The following LSR variants were observed in gnomAD, a reference collection of about 807,000 sequenced individuals.
LSR encodes lipolysis stimulated lipoprotein receptor, also known as lipolysis-stimulated lipoprotein receptor.
A neutral mutation model predicts 61.8 loss-of-function variants in LSR; 44 were observed. The observed-to-expected ratio is 0.71, with a 90% CI of 0.56 to 0.91. The LOEUF is 0.91. LSR is among the 40% of genes least tolerant of loss of function. The pLI is 0.00. For synonymous variants in LSR, 397 were observed against 350.6 expected, an observed-to-expected ratio of 1.13 and a Z score of -1.48; for missense variants, 911 against 830.5, an observed-to-expected ratio of 1.10 and a Z score of -1.19.
At position 35,266,948 on chromosome 19, in the gene LSR, C is replaced by T. The variant is rs150512507; in HGVS notation, c.1125C>T (p.Pro375=). 3 of 1,613,160 alleles carry T rather than the reference C, an allele frequency of 1.9e-6. No individual in the cohort carries two copies. Among genetic ancestry groups the T allele is most frequent in the South Asian group, 2.2e-5 (2 of 90,990 alleles). The change falls in exon 8 of 10, where the codon CCC becomes CCT. Residue 375 remains proline, a synonymous_variant. Coordinates refer to ENST00000605618, the MANE Select transcript of LSR (RefSeq NM_205834.4). ...TCGACCCTTCTCGACCTGGCCCCCC[C>T]AGTGGCCGTGTGGAGCGGGGTAAGC... ...ANFDPSRPGP[P]SGRVERAMSE... is the part of the protein sequence containing the mutation.
At chr19:35,264,352 GAA>G (rs2065969678) in intron 5 of LSR, 1 of 152,122 alleles carries the variant, frequency 6.6e-6, no homozygotes, top group Admixed American at 6.5e-5. Flanking sequence ...ATGTGCAATT[GAA>G]AAAGACTTGC....
intron 2 of LSR, among the ~76,000 whole-genome samples, chr19:35,255,753 ACT>A (rs891726036): frequency 2.0e-5 from 3 of 151,844 alleles, no homozygotes; most frequent in African/African-American, 4.8e-5. Context: ...CACGCCTGGC[ACT>A]CTCTGCTGTC....
intron 2 of LSR, among the ~76,000 whole-genome samples, chr19:35,255,199 G>A (rs574704836): frequency 1.3e-3 from 191 of 152,194 alleles, no homozygotes; most frequent in Admixed American, 3.4e-3. Flanking sequence ...AGCGGGGCAT[G>A]ATGGCACACC....
chr19:35,259,905 T>C (rs951879772), intron 3 of LSR, among the ~76,000 whole-genome samples: 6 of 152,208 alleles, frequency 3.9e-5, no homozygotes, highest in African/African-American at 1.4e-4. Flanking sequence ...GAGGCCTCCT[T>C]GTGTTAGGGG....
chr19:35,267,634 G>C lies in LSR; in HGVS notation c.1670G>C (p.Arg557Thr), dbSNP rs780220705. ...AAGAAGGGGTCGGAGGAGAGGAGGA[G>C]ACCCCACAAGGAGGAGGAGGAAGAG... ...VRKKGSEERR[R>T]PHKEEEEEAY... is the part of the protein sequence containing the mutation. Residue 557 changes from arginine (R) to threonine (T), a missense_variant, in exon 9 of 10, where the codon AGA becomes ACA. Arg to Thr is a moderately conservative substitution (Grantham distance 71, BLOSUM62 -1). Transcript: ENST00000605618. 3.1e-6 allele frequency: 5 copies of C among 1,612,244 alleles called. No individual in the cohort carries two copies. In the South Asian group the frequency reaches 5.5e-5, roughly 18 times the overall value.
intron 5 of LSR, among the ~76,000 whole-genome samples, chr19:35,263,607 C>T (rs543108499): frequency 3.9e-5 from 6 of 152,076 alleles, no homozygotes; most frequent in South Asian, 2.1e-4. Context: ...GGTGATCCTC[C>T]CAAGTCAGCC....
chr19:35,264,449 G>A (rs879417877), intron 5 of LSR: 5 of 152,246 alleles, frequency 3.3e-5, no homozygotes, highest in African/African-American at 4.8e-5. Context: ...ACAGCCATCA[G>A]CCTTGGGACA....
chr19:35,267,373 G>A lies in LSR; in HGVS notation c.1409G>A (p.Gly470Glu), dbSNP rs1568449575. ...SGSRSPTSNG[G>E]RSRAYMPPRS... ...AGCAGGTCTCCCACGAGTAATGGTGGGAGAAGCCGGGCCTACATGCCCCCG... is the reference window on the plus strand; with the variant it reads ...AGCAGGTCTCCCACGAGTAATGGTGAGAGAAGCCGGGCCTACATGCCCCCG... The change falls in exon 9 of 10, where the codon GGG becomes GAG. Residue 470 changes from glycine (G) to glutamate (E), a missense_variant. Physicochemically the swap from Gly to Glu is moderately conservative, Grantham distance 98. Coordinates refer to ENST00000605618, the MANE Select transcript of LSR (RefSeq NM_205834.4). 6.8e-7 allele frequency: 1 copy of A among 1,464,136 alleles called. No homozygotes were observed. Among genetic ancestry groups the A allele is most frequent in the Non-Finnish European group, 9.0e-7 (1 of 1,109,152 alleles). 90.7% of individuals were successfully genotyped at this position (1,464,136 alleles called of 1,614,324 possible).
chr19:35,267,592 T>C lies in LSR; in HGVS notation c.1628T>C (p.Leu543Pro). The C allele has an allele frequency of 6.2e-7, 1 of 1,612,158 alleles. No homozygotes were observed. The highest frequency in any genetic ancestry group is 8.5e-7 in the Non-Finnish European group (1 of 1,179,646). ...SGDLPYDGRLLEEAVRKKGSE... is the reference protein window; with the variant it reads ...SGDLPYDGRLPEEAVRKKGSE... ...GACCTCCCCTATGATGGGCGGCTAC[T>C]GGAGGAGGCTGTGAGGAAGAAGGGG... The change falls in exon 9 of 10, where the codon CTG becomes CCG. Residue 543 changes from leucine (L) to proline (P), a missense_variant. Physicochemically the swap from Leu to Pro is moderately conservative, Grantham distance 98. Coordinates refer to ENST00000605618, the MANE Select transcript of LSR (RefSeq NM_205834.4).
chr19:35,266,332 C>T, intron 5 of LSR, 27 bp from the exon 6 acceptor site: 2 of 1,542,976 alleles, frequency 1.3e-6, no homozygotes, highest in Non-Finnish European at 1.8e-6. Context: ...CCTCATCCCC[C>T]TTCTCCTGTT....
chr19:35,262,021 C>T, intron 4 of LSR, 40 bp downstream of exon 4: 1 of 1,492,864 alleles, frequency 6.7e-7, no homozygotes, highest in South Asian at 1.3e-5. Flanking sequence ...CTCGGGAGCT[C>T]CCATACATCA....
In LSR at chr19:35,267,897, T is replaced by C; in HGVS notation, c.*38T>C. The C allele has an allele frequency of 6.2e-7, 1 of 1,601,424 alleles. No individual in the cohort carries two copies. Among genetic ancestry groups the C allele is most frequent in the Non-Finnish European group, 8.5e-7 (1 of 1,170,008 alleles). ...TACGTAGCTTTTGTATTTTTTTTTT[T>C]AATTTGAAGGAACACTGATGAAGCC... is the stretch of plus-strand genomic sequence containing the variant. On this transcript the variant is annotated 3_prime_UTR_variant, in exon 10 of 10. Coordinates refer to ENST00000605618, the MANE Select transcript of LSR (RefSeq NM_205834.4).
rs1206997417 is a variant in LSR at position 35,262,489 on chromosome 19, C to T, written c.632-57C>T. The T allele has an allele frequency of 4.2e-5, 67 of 1,597,986 alleles. 1 individual carries two copies. The East Asian group carries it at 1.3e-3, about 30-fold the overall frequency. ...CTCCGCACCATGTACCCCTGCTGTG[C>T]CGTTAGCCCTGTTCCCTCCCAGGCC... On this transcript the variant is annotated intron_variant, in intron 4 of 9. Transcript: ENST00000605618.
chr19:35,267,807 TTC>T lies in LSR; in HGVS notation c.1771-15_1771-14del, dbSNP rs1225775701. ...CGGTCCCCGCGGCTCATACCCTTCT[TTC>T]TTTCTCCCTTGCAGAACTTGGCCCT... On this transcript the variant is annotated splice_polypyrimidine_tract_variant and intron_variant, in intron 9 of 9. Coordinates refer to ENST00000605618, the MANE Select transcript of LSR (RefSeq NM_205834.4). The T allele has an allele frequency of 9.3e-6, 15 of 1,613,828 alleles. No individual in the cohort carries two copies. The highest frequency in any genetic ancestry group is 1.2e-5 in the Non-Finnish European group (14 of 1,179,942).
intron 3 of LSR, 66 bp downstream of exon 3, chr19:35,259,130 C>T (rs1599598796): frequency 6.4e-7 from 1 of 1,561,464 alleles, no homozygotes; most frequent in East Asian, 2.3e-5. Context: ...TGTCTGCCCT[C>T]CCCTGTGTCC....
At chr19:35,250,228 A>T in intron 1 of LSR, 87 bp from the exon 2 acceptor site, 1 of 833,032 alleles carries the variant, frequency 1.2e-6, no homozygotes, top group Non-Finnish European at 1.9e-6. Context: ...CATACTTGCG[A>T]GTGTCAAGCT....
intron 2 of LSR, among the ~76,000 whole-genome samples, chr19:35,251,003 C>A (rs1365285343): frequency 6.6e-6 from 1 of 152,044 alleles, no homozygotes; most frequent in East Asian, 1.9e-4. Context: ...ACCATGTTGG[C>A]CAGGCTGGTC....
At chr19:35,249,284 G>A in intron 1 of LSR, 153 bp downstream of exon 1, 1 of 933,988 alleles carries the variant, frequency 1.1e-6, no homozygotes, top group African/African-American at 1.7e-5. Context: ...TTGCGCGCGG[G>A]AGTGAGAGGA....
In LSR at chr19:35,267,517, C is replaced by A. The variant is rs145256151; in HGVS notation, c.1553C>A (p.Ser518Tyr). The A allele has an allele frequency of 3.1e-6, 5 of 1,611,786 alleles. No individual in the cohort carries two copies. The African/African-American group carries it at 6.7e-5, about 22-fold the overall frequency. ...SRERPPADPRSHHHRTRDPRD... is the reference protein window; with the variant it reads ...SRERPPADPRYHHHRTRDPRD... The stretch of plus-strand genomic sequence containing the variant: ...GAGCGCCCTCCTGCCGACCCCAGGT[C>A]CCACCACCACCGTACCCGGGACCCT... The change falls in exon 9 of 10, where the codon TCC becomes TAC. Residue 518 changes from serine to tyrosine, a missense_variant. Physicochemically the swap from Ser to Tyr is moderately radical, Grantham distance 144. Coordinates refer to ENST00000605618, the MANE Select transcript of LSR (RefSeq NM_205834.4).
Sources: allele counts gnomAD v4.1 joint callset (sites outside exome capture counted in the v4.1 genomes callset), GRCh38; gene constraint gnomAD v4.1.1; transcripts MANE v1.5; gene names NCBI Gene and HGNC (gene_info 2026-07-23, HGNC 2026-07-21).